Variants in PCDHA6 observed in about 807,000 individuals in gnomAD.
PCDHA6 encodes the protein protocadherin alpha 6.
In PCDHA6, 55 loss-of-function variants were observed where a neutral mutation model predicts 60.3. The ratio of observed to expected loss-of-function variants is 0.91; its 90% CI spans 0.73 to 1.14. The LOEUF is 1.14. PCDHA6 is among the 50% of genes most tolerant of loss of function. The probability of loss-of-function intolerance (pLI) is 0.00; values close to 1 mark genes in which losing one functional copy is unlikely to be tolerated. For synonymous variants in PCDHA6, 652 were observed against 557.9 expected, an observed-to-expected ratio of 1.17 and a Z score of -2.38; for missense variants, 1,327 against 1,256.5, an observed-to-expected ratio of 1.06 and a Z score of -0.85.
At chr5:140,913,797 A>T (rs546197577) in intron 1 of PCDHA6, among the ~76,000 whole-genome samples, 1 of 152,210 alleles carries the variant, frequency 6.6e-6, no homozygotes, top group Admixed American at 6.5e-5. Context: ...ATTTGTTTGA[A>T]TCAAATTTTC....
intron 3 of PCDHA6, among the ~76,000 whole-genome samples, chr5:141,000,419 A>G (rs1394449061): frequency 1.6e-5 from 1 of 61,008 alleles, no homozygotes; most frequent in African/African-American, 7.6e-5. Flanking sequence ...ATATATATAT[A>G]TATTTTTTTT....
chr5:140,843,876 C>A, intron 1 of PCDHA6: 1 of 763,300 alleles, frequency 1.3e-6, no homozygotes, highest in African/African-American at 1.8e-5. Flanking sequence ...TTCTCAGTGG[C>A]ATAATACAGT....
At chr5:140,947,059 A>G (rs1297447274) in intron 1 of PCDHA6, among the ~76,000 whole-genome samples, 2 of 151,742 alleles carry the variant, frequency 1.3e-5, no homozygotes, top group Admixed American at 1.3e-4. Flanking sequence ...ATCATTACAC[A>G]GTGTATATAT....
intron 1 of PCDHA6, among the ~76,000 whole-genome samples, chr5:140,921,875 A>G (rs1414785128): frequency 6.6e-6 from 1 of 152,118 alleles, no homozygotes; most frequent in Non-Finnish European, 1.5e-5. Flanking sequence ...CAGTATATAT[A>G]TAAGATTTTA....
chr5:140,976,952 C>T lies in PCDHA6; in HGVS notation c.2395-1997C>T, dbSNP rs183824. 1.8e-3 allele frequency among the ~76,000 whole-genome samples: 271 copies of T among 152,298 alleles called. 1 individual carries two copies. Among genetic ancestry groups the T allele is most frequent in the African/African-American group, 6.2e-3 (258 of 41,574 alleles). The stretch of plus-strand genomic sequence containing the variant: ...GTAGCTACTTAAAACATATTATATG[C>T]TTTCTTCCTTTCCTTTTCCCTGCCT... On this transcript the variant is annotated intron_variant, in intron 1 of 3. Coordinates refer to ENST00000529310, the MANE Select transcript of PCDHA6 (RefSeq NM_018909.4).
At chr5:140,848,914 T>G in intron 1 of PCDHA6, 4 of 1,608,096 alleles carry the variant, frequency 2.5e-6, no homozygotes, top group Non-Finnish European at 3.4e-6. Context: ...CAAAAGAATC[T>G]GTTCATCGCG....
intron 1 of PCDHA6, chr5:140,854,217 C>A: frequency 6.6e-6 from 4 of 607,972 alleles, no homozygotes; most frequent in Middle Eastern, 8.4e-4. Context: ...CAATATTGGA[C>A]ATCTACATTG....
intron 1 of PCDHA6, chr5:140,870,842 T>G (rs781830221): frequency 6.2e-7 from 1 of 1,613,798 alleles, no homozygotes; most frequent in Non-Finnish European, 8.5e-7. Flanking sequence ...AACAAGCTAG[T>G]ACCGCGGTCG....
At chr5:140,917,876 C>CT (rs575141569) in intron 1 of PCDHA6, among the ~76,000 whole-genome samples, 41 of 147,132 alleles carry the variant, frequency 2.8e-4, no homozygotes, top group Admixed American at 1.6e-3. Context: ...TATTTGGGCT[C>CT]TTTTTTTTTT....
rs1323301501 is a variant in PCDHA6, at chr5:140,843,782, T to C, written c.2394+13297T>C. 2.1e-6 allele frequency: 3 copies of C among 1,427,592 alleles called. No homozygotes were observed. In the African/African-American group the frequency reaches 4.2e-5, roughly 20 times the overall value. 88.4% of individuals were successfully genotyped at this position (1,427,592 alleles called of 1,614,324 possible). A position where few individuals can be genotyped will look rare whatever the true frequency, so the allele number is the denominator to read the frequency against. On this transcript the variant is annotated intron_variant, in intron 1 of 3. Coordinates refer to ENST00000529310, the MANE Select transcript of PCDHA6 (RefSeq NM_018909.4). ...GAAATTGTAGTTACTTTAAAAGTGT[T>C]TCAGATTTAGTTTTTCACCGTATTT...
At chr5:140,927,981 T>C (rs2084836319) in intron 1 of PCDHA6, 2 of 1,614,206 alleles carry the variant, frequency 1.2e-6, no homozygotes, top group Non-Finnish European at 1.7e-6. Flanking sequence ...CTCTCTTTAG[T>C]GTAAAGGATG....
At chr5:140,871,113 G>A (rs782238733) in intron 1 of PCDHA6, 24 of 1,613,188 alleles carry the variant, frequency 1.5e-5, no homozygotes, top group South Asian at 7.7e-5. Flanking sequence ...CGTTGGTGGA[G>A]AGCGGACAGG....
At position 140,877,303 on chromosome 5, in the gene PCDHA6, T is replaced by C. The variant is rs566187421; in HGVS notation, c.2394+46818T>C. 3.5e-4 allele frequency: 564 copies of C among 1,613,850 alleles called. 6 individuals are homozygous for C. In the South Asian group the frequency reaches 5.9e-3, roughly 17 times the overall value. On this transcript the variant is annotated intron_variant, in intron 1 of 3. Transcript: ENST00000529310. ...CTATAACGCTTGGCTGTCCTACGAGTTGCAACCGGCGGCGGTCGGCGCGCA... is the reference window on the plus strand; with the variant it reads ...CTATAACGCTTGGCTGTCCTACGAGCTGCAACCGGCGGCGGTCGGCGCGCA...
At chr5:140,941,221 T>TTCTTTCTTTCTTTCTTTCTTTCTC (rs2092905955) in intron 1 of PCDHA6, among the ~76,000 whole-genome samples, 1 of 131,536 alleles carries the variant, frequency 7.6e-6, no homozygotes, top group Admixed American at 7.9e-5. Context: ...CTTCCTTTCT[T>TTCTTTCTTTCTTTCTTTCTTTCTC]TCTTTCTTTC....
In PCDHA6 at chr5:140,927,607, C is replaced by G. The variant is rs558609705; in HGVS notation, c.2395-51342C>G. On this transcript the variant is annotated intron_variant, in intron 1 of 3. Transcript: ENST00000529310. ...GCCTGTATTTGAGCGCTCCGTATACCGCACCAAGGTTCCAGAGACTGCACC... is the reference window on the plus strand; with the variant it reads ...GCCTGTATTTGAGCGCTCCGTATACGGCACCAAGGTTCCAGAGACTGCACC... 1.5e-5 allele frequency: 24 copies of G among 1,614,180 alleles called. 1 individual carries two copies. In the South Asian group the frequency reaches 2.6e-4, roughly 18 times the overall value.
intron 1 of PCDHA6, chr5:140,877,656 C>T (rs782196097): frequency 4.3e-6 from 7 of 1,613,442 alleles, no homozygotes; most frequent in African/African-American, 4.0e-5. Flanking sequence ...CGCCGCCCAC[C>T]GTGAGCCGGT....
At position 140,830,089 on chromosome 5, in the gene PCDHA6, G is replaced by T; in HGVS notation, c.1998G>T (p.Leu666=). Residue 666 remains leucine (L), a synonymous_variant, in exon 1 of 4, where the codon CTG becomes CTT. Coordinates refer to ENST00000529310, the MANE Select transcript of PCDHA6 (RefSeq NM_018909.4). ...EPALTATATV[L]VSLVESGQAP... is the part of the protein sequence containing the mutation. The stretch of plus-strand genomic sequence containing the variant: ...CGCTGACAGCGACGGCCACGGTTCT[G>T]GTGTCGCTGGTGGAGAGTGGCCAGG... 6.2e-7 allele frequency: 1 copy of T among 1,613,632 alleles called. No individual in the cohort carries two copies. The highest frequency in any genetic ancestry group is 1.3e-5 in the African/African-American group (1 of 75,046).
chr5:140,879,740 T>G (rs1337276853), intron 1 of PCDHA6, among the ~76,000 whole-genome samples: 1 of 152,200 alleles, frequency 6.6e-6, no homozygotes, highest in East Asian at 1.9e-4. Flanking sequence ...ATCAAGGTGT[T>G]GTCAAGGCTA....
chr5:140,916,559 G>C (rs1170876334), intron 1 of PCDHA6, among the ~76,000 whole-genome samples: 2 of 152,224 alleles, frequency 1.3e-5, no homozygotes, highest in African/African-American at 4.8e-5. Flanking sequence ...TATTTGTCCA[G>C]GGTGTGTCTA....
Sources: allele counts gnomAD v4.1 joint callset (sites outside exome capture counted in the v4.1 genomes callset), GRCh38; gene constraint gnomAD v4.1.1; transcripts MANE v1.5; gene names NCBI Gene and HGNC (gene_info 2026-07-23, HGNC 2026-07-21).